KLF12: variants seen among roughly 807,000 people sequenced by gnomAD.
KLF12 encodes the protein KLF transcription factor 12.
KLF12 carries 9 observed loss-of-function variants against 37.8 expected under a neutral mutation model. That is an observed-to-expected ratio of 0.24 (90% confidence interval 0.14 to 0.42). The LOEUF (loss-of-function observed/expected upper bound fraction) is 0.42. KLF12 is among the 10% of genes least tolerant of loss of function. KLF12 has a pLI of 1.00. For synonymous variants in KLF12, 208 were observed against 202.1 expected, an observed-to-expected ratio of 1.03 and a Z score of -0.25; for missense variants, 411 against 516.0, an observed-to-expected ratio of 0.80 and a Z score of 1.97.
chr13:73,734,612 CT>C (rs1334193704), intron 6 of KLF12, among the ~76,000 whole-genome samples: 1 of 149,946 alleles, frequency 6.7e-6, no homozygotes, highest in South Asian at 2.1e-4. Context: ...TCTTTTCTTC[CT>C]TTTTTGGGGG....
At chr13:73,759,076 G>T (rs1411984919) in intron 6 of KLF12, among the ~76,000 whole-genome samples, 5 of 152,082 alleles carry the variant, frequency 3.3e-5, no homozygotes, top group Admixed American at 2.0e-4. Flanking sequence ...CACCCTGCAG[G>T]CACTTCTTTT....
chr13:74,048,950 C>G (rs945882457), intron 1 of KLF12, among the ~76,000 whole-genome samples: 1 of 152,182 alleles, frequency 6.6e-6, no homozygotes, highest in East Asian at 1.9e-4. Context: ...AAATAACAAG[C>G]AACCTGACAC....
intron 6 of KLF12, among the ~76,000 whole-genome samples, chr13:73,728,012 A>G (rs1161726597): frequency 2.0e-5 from 3 of 152,218 alleles, no homozygotes; most frequent in Admixed American, 6.5e-5. Context: ...CGATTTCTGT[A>G]AAAGAAAATG....
chr13:73,714,322 T>C (rs939875189), intron 7 of KLF12, among the ~76,000 whole-genome samples: 24 of 152,246 alleles, frequency 1.6e-4, no homozygotes, highest in African/African-American at 5.1e-4. Flanking sequence ...AGAGAGAACA[T>C]GGGCTAAATG....
At chr13:74,078,790 A>C (rs1337684467) in intron 1 of KLF12, among the ~76,000 whole-genome samples, 1 of 152,214 alleles carries the variant, frequency 6.6e-6, no homozygotes, top group African/African-American at 2.4e-5. Context: ...TAGCCTGGGA[A>C]TTATAGGGGT....
At chr13:74,151,998 A>T in the KLF12 span, among the ~76,000 whole-genome samples, 2 of 152,230 alleles carry the variant, frequency 1.3e-5, no homozygotes, top group African/African-American at 4.8e-5. Context: ...GAGAATAAAA[A>T]GGGCAACTAA....
chr13:74,002,150 C>T (rs1352991609), intron 1 of KLF12, among the ~76,000 whole-genome samples: 2 of 152,092 alleles, frequency 1.3e-5, no homozygotes, highest in Admixed American at 6.5e-5. Context: ...ATTCATCAAC[C>T]CAAGTTTGTG....
rs549762842 is a variant in KLF12 at position 74,002,193 on chromosome 13, GCTC to G, written c.-31-7143_-31-7141del. Among the ~76,000 whole-genome samples the G allele has an allele frequency of 1.0e-3, 153 of 152,222 alleles. 1 individual carries two copies. Among genetic ancestry groups the G allele is most frequent in the Admixed American group, 4.4e-3 (68 of 15,298 alleles). Reference sequence around the variant, plus strand: ...ATATCATCTATGTATCTCCGAATCTGCTCCTCAACACACAGCTAGCTGTCATAA... The same window carrying G: ...ATATCATCTATGTATCTCCGAATCTGCTCAACACACAGCTAGCTGTCATAA... On this transcript the variant is annotated intron_variant, in intron 1 of 7. Coordinates refer to ENST00000377669, the MANE Select transcript of KLF12 (RefSeq NM_007249.5).
intron 1 of KLF12, among the ~76,000 whole-genome samples, chr13:74,102,490 G>T (rs556406504): frequency 6.6e-6 from 1 of 152,058 alleles, no homozygotes; most frequent in East Asian, 2.0e-4. Flanking sequence ...CTGAGGGTAG[G>T]AGTTTGTGAC....
chr13:74,085,311 T>C (rs1875205357), intron 1 of KLF12, among the ~76,000 whole-genome samples: 2 of 152,208 alleles, frequency 1.3e-5, no homozygotes, highest in African/African-American at 4.8e-5. Context: ...AATGGCTGAA[T>C]ATAAAATCCA....
chr13:74,035,066 C>G (rs150168663), intron 1 of KLF12, among the ~76,000 whole-genome samples: 29 of 152,234 alleles, frequency 1.9e-4, no homozygotes, highest in Non-Finnish European at 3.7e-4. Context: ...CAGCAGCTCT[C>G]GGGTGGAAGT....
At chr13:73,995,393 A>T (rs1892082357) in intron 1 of KLF12, among the ~76,000 whole-genome samples, 1 of 130,750 alleles carries the variant, frequency 7.6e-6, no homozygotes, top group South Asian at 2.4e-4. Context: ...ATGGCCAAGT[A>T]AAAAAAAGGT....
At chr13:73,843,139 T>C (rs1477898502) in intron 4 of KLF12, among the ~76,000 whole-genome samples, 2 of 152,166 alleles carry the variant, frequency 1.3e-5, no homozygotes, top group African/African-American at 4.8e-5. Context: ...TGTCTTGAGG[T>C]AGTTTTTCTG....
intron 4 of KLF12, among the ~76,000 whole-genome samples, chr13:73,831,736 T>G (rs1848246249): frequency 6.6e-6 from 1 of 152,112 alleles, no homozygotes. Context: ...TTTCCTAATT[T>G]GGGAAGGGAA....
intron 2 of KLF12, among the ~76,000 whole-genome samples, chr13:73,987,733 G>A (rs906873274): frequency 6.9e-6 from 1 of 144,486 alleles, no homozygotes; most frequent in Non-Finnish European, 1.5e-5. Context: ...TAGAGGAAGT[G>A]GGAGGAAAGA....
chr13:73,857,700 A>G (rs1310512555), intron 3 of KLF12, among the ~76,000 whole-genome samples: 1 of 152,190 alleles, frequency 6.6e-6, no homozygotes, highest in South Asian at 2.1e-4. Flanking sequence ...TTAGAAACCA[A>G]AACATGGACA....
At chr13:73,958,234 ATTTTT>A (rs891981607) in intron 2 of KLF12, among the ~76,000 whole-genome samples, 2 of 151,724 alleles carry the variant, frequency 1.3e-5, no homozygotes, top group Non-Finnish European at 2.9e-5. Flanking sequence ...CACTGGGTTA[ATTTTT>A]TTTAACTTTT....
At chr13:73,722,332 G>A (rs7994180) in intron 6 of KLF12, among the ~76,000 whole-genome samples, 96,352 of 152,042 alleles carry the variant, frequency 0.63, 30,998 homozygotes, top group East Asian at 0.73. Flanking sequence ...CCAGATATCT[G>A]CATTTCTTTG....
At chr13:74,239,508 G>C in the KLF12 span, among the ~76,000 whole-genome samples, 1 of 119,822 alleles carries the variant, frequency 8.3e-6, no homozygotes, top group Admixed American at 8.7e-5. Flanking sequence ...TTGACTTTCT[G>C]TCTCGTTGAT....
Sources: allele counts gnomAD v4.1 joint callset (sites outside exome capture counted in the v4.1 genomes callset), GRCh38; gene constraint gnomAD v4.1.1; transcripts MANE v1.5; gene names NCBI Gene and HGNC (gene_info 2026-07-23, HGNC 2026-07-21).